The following NTM variants were observed in gnomAD, a reference collection of about 807,000 sequenced individuals.
NTM encodes the protein IgLON family member 2.
A neutral mutation model predicts 42.1 loss-of-function variants in NTM; 13 were observed. That is an observed-to-expected ratio of 0.31 (90% CI 0.20 to 0.49). The LOEUF is 0.49. Among genes scored for constraint, NTM ranks in the 20% least tolerant of loss-of-function variants. NTM has a pLI of 0.99. For synonymous variants in NTM, 187 were observed against 179.2 expected (o/e 1.04, Z -0.35); for missense variants, 373 against 452.8 (o/e 0.82, Z 1.60).
At chr11:131,991,359 T>C (rs1313026045) in intron 2 of NTM, among the ~76,000 whole-genome samples, 1 of 152,212 alleles carries the variant, frequency 6.6e-6, no homozygotes, top group Non-Finnish European at 1.5e-5. Context: ...TAGTCCACTT[T>C]TCTATCCTTT....
intron 2 of NTM, among the ~76,000 whole-genome samples, chr11:132,076,264 C>G (rs948017948): frequency 6.6e-6 from 1 of 152,182 alleles, no homozygotes; most frequent in East Asian, 1.9e-4. Context: ...TACACTATTA[C>G]TGCTGCAACA....
chr11:131,977,352 A>G (rs1262670791), intron 2 of NTM, among the ~76,000 whole-genome samples: 1 of 152,214 alleles, frequency 6.6e-6, no homozygotes, highest in Non-Finnish European at 1.5e-5. Flanking sequence ...CCTATTGTGA[A>G]AACAATGAGC....
chr11:131,486,766 A>G (rs1390207130), intron 1 of NTM, among the ~76,000 whole-genome samples: 1 of 152,022 alleles, frequency 6.6e-6, no homozygotes, highest in East Asian at 1.9e-4. Flanking sequence ...ATTCTTCTCC[A>G]GCTTCTCTTT....
chr11:132,091,363 G>A (rs571851984), intron 2 of NTM, among the ~76,000 whole-genome samples: 7 of 152,004 alleles, frequency 4.6e-5, no homozygotes, highest in East Asian at 1.9e-4. Flanking sequence ...AGCCAAGATC[G>A]TGCCACCACA....
At chr11:131,536,657 T>C (rs971216748) in intron 1 of NTM, 9 of 152,198 alleles carry the variant, frequency 5.9e-5, no homozygotes, top group African/African-American at 2.2e-4. Context: ...CTTTTGATTG[T>C]ATAAAGGTAG....
At chr11:131,812,204 C>T (rs200038821) in intron 1 of NTM, among the ~76,000 whole-genome samples, 1 of 76,418 alleles carries the variant, frequency 1.3e-5, no homozygotes, top group African/African-American at 4.4e-5. Context: ...CTCTCTCTCT[C>T]TCTCTCTCTC....
Position 131,501,551 on chromosome 11 carries a change from G to A in NTM, c.82+130663G>A, listed in dbSNP as rs146076275. 1.4e-4 allele frequency among the ~76,000 whole-genome samples: 21 copies of A among 152,280 alleles called. No individual in the cohort carries two copies. The East Asian group carries it at 4.1e-3, about 29-fold the overall frequency. On this transcript the variant is annotated intron_variant, in intron 1 of 8. Transcript: ENST00000683400. ...GAGCTACTGGAGGGTCTTCAGGAGAGGGAAGCTGTGATCTGATTTATATGT... is the reference window on the plus strand; with the variant it reads ...GAGCTACTGGAGGGTCTTCAGGAGAAGGAAGCTGTGATCTGATTTATATGT...
chr11:131,667,303 A>G (rs2069241202), intron 1 of NTM, among the ~76,000 whole-genome samples: 1 of 151,702 alleles, frequency 6.6e-6, no homozygotes, highest in Non-Finnish European at 1.5e-5. Flanking sequence ...CGTAGTCCTT[A>G]CTCCTTCTGC....
chr11:132,248,866 T>C (rs1448561919), intron 4 of NTM, among the ~76,000 whole-genome samples: 1 of 152,214 alleles, frequency 6.6e-6, no homozygotes, highest in African/African-American at 2.4e-5. Context: ...CTCAGCTGGA[T>C]GGGCACTGCA....
chr11:131,822,553 A>T (rs2093234541), intron 1 of NTM, among the ~76,000 whole-genome samples: 1 of 152,202 alleles, frequency 6.6e-6, no homozygotes, highest in African/African-American at 2.4e-5. Flanking sequence ...CCTTTGTAAA[A>T]CAAATACCAG....
At chr11:131,773,251 G>A (rs1527776) in intron 1 of NTM, among the ~76,000 whole-genome samples, 64,410 of 151,822 alleles carry the variant, frequency 0.42, 15,461 homozygotes, top group East Asian at 0.63. Flanking sequence ...AGGGATGGTG[G>A]GGCAAAAAAG....
intron 1 of NTM, chr11:131,911,158 C>G (rs1465503804): frequency 7.7e-7 from 1 of 1,302,528 alleles, no homozygotes; most frequent in Non-Finnish European, 9.8e-7. Context: ...GAAGCGGCTC[C>G]TGAGACGCGC....
intron 4 of NTM, among the ~76,000 whole-genome samples, chr11:132,292,446 C>T (rs946408733): frequency 2.6e-5 from 4 of 152,126 alleles, no homozygotes; most frequent in African/African-American, 9.7e-5. Flanking sequence ...ACAGGATCCT[C>T]AGCAGAGGAC....
At chr11:131,924,098 C>T (rs1034846493) in intron 2 of NTM, among the ~76,000 whole-genome samples, 3 of 152,326 alleles carry the variant, frequency 2.0e-5, no homozygotes, top group South Asian at 4.1e-4. Flanking sequence ...GTGTACCTCT[C>T]GTGACCCTGG....
chr11:132,104,799 G>GGAGGCT, intron 2 of NTM, among the ~76,000 whole-genome samples: 1 of 149,624 alleles, frequency 6.7e-6, no homozygotes, highest in East Asian at 2.0e-4. Flanking sequence ...CAGCTACCTA[G>GGAGGCT]GAGGCTGAGG....
intron 3 of NTM, among the ~76,000 whole-genome samples, chr11:132,152,479 T>A (rs569115175): frequency 5.0e-4 from 76 of 152,250 alleles, no homozygotes; most frequent in African/African-American, 1.8e-3. Context: ...TAGATGAAAA[T>A]GTATATTTGG....
At chr11:131,531,798 C>T (rs2051318842) in intron 1 of NTM, among the ~76,000 whole-genome samples, 1 of 152,122 alleles carries the variant, frequency 6.6e-6, no homozygotes, top group Non-Finnish European at 1.5e-5. Flanking sequence ...AACATTAAGT[C>T]TTCTGATAGG....
At chr11:132,216,055 T>G (rs2083789699) in intron 4 of NTM, among the ~76,000 whole-genome samples, 1 of 152,222 alleles carries the variant, frequency 6.6e-6, no homozygotes, top group African/African-American at 2.4e-5. Flanking sequence ...ACTCTGTGCT[T>G]TGCCCTTTGT....
At chr11:132,047,527 T>C (rs2078190477) in intron 2 of NTM, among the ~76,000 whole-genome samples, 1 of 152,228 alleles carries the variant, frequency 6.6e-6, no homozygotes, top group Non-Finnish European at 1.5e-5. Flanking sequence ...CTCTTATTTA[T>C]TTTGAAGCAA....
Sources: allele counts gnomAD v4.1 joint callset (sites outside exome capture counted in the v4.1 genomes callset), GRCh38; gene constraint gnomAD v4.1.1; transcripts MANE v1.5; gene names NCBI Gene and HGNC (gene_info 2026-07-23, HGNC 2026-07-21).